The following MSN variants were observed in gnomAD, a reference collection of about 807,000 sequenced individuals.
The protein encoded by MSN is epididymis luminal protein 70.
Under a neutral mutation model 48.0 loss-of-function variants are expected in MSN, and 2 were observed. That is an observed-to-expected ratio of 0.04 (90% CI 0.02 to 0.13). The LOEUF (loss-of-function observed/expected upper bound fraction) is 0.13, where lower values mean the gene tolerates loss of function less well. Among genes scored for constraint, MSN ranks in the 10% least tolerant of loss-of-function variants. The pLI, the probability that MSN is intolerant of heterozygous loss-of-function variation, is 1.00. For missense variants in MSN, 267 were observed against 470.1 expected (o/e 0.57, Z 3.99); for synonymous variants, 146 against 166.9 (o/e 0.87, Z 0.97).
chrX:65,645,533 T>C (rs1224788556), intron 1 of MSN, among the ~76,000 whole-genome samples: 1 of 110,913 alleles, frequency 9.0e-6, no homozygotes, highest in Non-Finnish European at 1.9e-5. Context: ...GCTTTTCTTT[T>C]CTCAGAAAAT....
chrX:65,702,735 G>T (rs1385976141), intron 1 of MSN, among the ~76,000 whole-genome samples: 1 of 111,602 alleles, frequency 9.0e-6, no homozygotes, highest in South Asian at 3.8e-4. Flanking sequence ...GGAGTTTGGA[G>T]GTCCCAGTGG....
intron 1 of MSN, among the ~76,000 whole-genome samples, chrX:65,711,987 C>T (rs888850077): frequency 4.5e-5 from 5 of 111,314 alleles, no homozygotes; most frequent in Non-Finnish European, 9.4e-5. Context: ...AGCCCACTGC[C>T]CCCTTTCTAT....
chrX:65,646,002 A>AT (rs1011838594), intron 1 of MSN, among the ~76,000 whole-genome samples: 1 of 112,169 alleles, frequency 8.9e-6, no homozygotes, highest in African/African-American at 3.2e-5. Flanking sequence ...GGATTTTTGG[A>AT]TTAGAGATGC....
At chrX:65,694,576 G>A (rs1046749990) in intron 1 of MSN, among the ~76,000 whole-genome samples, 1 of 111,458 alleles carries the variant, frequency 9.0e-6, no homozygotes, top group East Asian at 2.8e-4. Flanking sequence ...TAATCCACCC[G>A]CCTCAGCCTC....
chrX:65,638,406 T>C (rs1373887002), intron 1 of MSN, among the ~76,000 whole-genome samples: 1 of 112,403 alleles, frequency 8.9e-6, no homozygotes, highest in Admixed American at 9.5e-5. Flanking sequence ...TGGGCCTTGA[T>C]AGTATATTTA....
intron 1 of MSN, among the ~76,000 whole-genome samples, chrX:65,686,828 G>A (rs1178147663): frequency 8.9e-6 from 1 of 112,281 alleles, no homozygotes; most frequent in Non-Finnish European, 1.9e-5. Flanking sequence ...GGATTCAGGT[G>A]CTCAGAGAAG....
At chrX:65,731,798 A>G in intron 5 of MSN, 40 bp from the exon 6 acceptor site, 9 of 1,193,595 alleles carry the variant, frequency 7.5e-6, no homozygotes, top group Non-Finnish European at 1.0e-5. Context: ...GGTCTGACTC[A>G]CAAGCCCCAC....
intron 1 of MSN, among the ~76,000 whole-genome samples, chrX:65,620,762 G>T (rs1419305173): frequency 9.0e-6 from 1 of 111,096 alleles, no homozygotes; most frequent in African/African-American, 3.3e-5. Context: ...ATACATAAAA[G>T]TCTTAAATTT....
intron 11 of MSN, 78 bp from the exon 12 acceptor site, chrX:65,738,892 A>G (rs780847313): frequency 2.9e-6 from 3 of 1,046,415 alleles, no homozygotes; most frequent in Non-Finnish European, 3.9e-6. Flanking sequence ...CTCTTGCCAG[A>G]CCGTTCTAGG....
intron 2 of MSN, among the ~76,000 whole-genome samples, chrX:65,724,229 C>G (rs945455450): frequency 9.2e-6 from 1 of 109,234 alleles, no homozygotes; most frequent in Non-Finnish European, 1.9e-5. Flanking sequence ...ACTGCAACCT[C>G]TGCTTCCTGG....
chrX:65,620,303 CA>C (rs2070425734), intron 1 of MSN, among the ~76,000 whole-genome samples: 1 of 112,745 alleles, frequency 8.9e-6, no homozygotes, highest in Non-Finnish European at 1.9e-5. Context: ...GCCCCTCCCC[CA>C]GCCTCGCTGC....
chrX:65,663,958 G>A (rs1306910962), upstream of MSN, among the ~76,000 whole-genome samples: 1 of 108,405 alleles, frequency 9.2e-6, no homozygotes, highest in African/African-American at 3.4e-5. Flanking sequence ...TACTTGGGAG[G>A]CTGAGGCAAG....
intron 1 of MSN, among the ~76,000 whole-genome samples, chrX:65,637,128 C>T (rs1422395376): frequency 3.7e-5 from 4 of 107,161 alleles, no homozygotes; most frequent in East Asian, 2.9e-4. Flanking sequence ...TTAGGCCGGG[C>T]GTGGTGGTTC....
intron 1 of MSN, among the ~76,000 whole-genome samples, chrX:65,660,346 A>G (rs2070812338): frequency 8.9e-6 from 1 of 111,855 alleles, no homozygotes; most frequent in South Asian, 3.7e-4. Context: ...GTATTCTACA[A>G]TTTTGCTGAA....
intron 1 of MSN, among the ~76,000 whole-genome samples, chrX:65,654,478 G>A (rs1602754962): frequency 9.1e-6 from 1 of 109,718 alleles, no homozygotes; most frequent in East Asian, 2.8e-4. Flanking sequence ...ATATTGGGAG[G>A]TAGCTATTAT....
intron 1 of MSN, among the ~76,000 whole-genome samples, chrX:65,590,430 A>C (rs1314722206): frequency 9.0e-6 from 1 of 110,986 alleles, no homozygotes; most frequent in Non-Finnish European, 1.9e-5. Context: ...CTTCTTGACC[A>C]ACCTCAGTCT....
intron 1 of MSN, among the ~76,000 whole-genome samples, chrX:65,636,114 C>T (rs112772699): frequency 0.024 from 2,676 of 111,454 alleles, 92 homozygotes; most frequent in African/African-American, 0.082. Flanking sequence ...CCAGTTTCTC[C>T]CTGGGCAATC....
intron 1 of MSN, among the ~76,000 whole-genome samples, chrX:65,710,706 A>G (rs2071404930): frequency 9.0e-6 from 1 of 111,172 alleles, no homozygotes; most frequent in South Asian, 3.8e-4. Flanking sequence ...TTATACAGAA[A>G]CTATCTAATG....
chrX:65,719,610 G>A (rs779435219), intron 2 of MSN, among the ~76,000 whole-genome samples: 4 of 111,734 alleles, frequency 3.6e-5, no homozygotes, highest in Non-Finnish European at 7.5e-5. Flanking sequence ...GCTTTAGACA[G>A]CAGTATCATT....
Sources: gnomAD v4.1 joint callset for allele counts (sites outside exome capture counted in the v4.1 genomes callset) on GRCh38, gnomAD v4.1.1 for gene constraint, MANE v1.5 for transcripts, NCBI Gene and HGNC (gene_info 2026-07-23, HGNC 2026-07-21) for gene names.